The following NAV2 variants were observed in gnomAD, a reference collection of about 807,000 sequenced individuals.
NAV2 encodes neuron navigator 2, also known as helicase, APC down-regulated 1.
A neutral mutation model predicts 223.2 loss-of-function variants in NAV2; 54 were observed. The observed-to-expected ratio is 0.24, with a 90% CI of 0.19 to 0.30. NAV2 has a LOEUF of 0.30. Ranked by LOEUF, NAV2 falls within the 10% of genes least tolerant of loss-of-function variation. NAV2 has a pLI of 1.00. For synonymous variants in NAV2, 1,279 were observed against 1,239.3 expected, an observed-to-expected ratio of 1.03 and a Z score of -0.67; for missense variants, 2,806 against 3,147.5, an observed-to-expected ratio of 0.89 and a Z score of 2.60.
chr11:19,767,445 T>C (rs370369510), intron 1 of NAV2, among the ~76,000 whole-genome samples: 11 of 152,236 alleles, frequency 7.2e-5, no homozygotes, highest in African/African-American at 2.7e-4. Context: ...ACAATTATAA[T>C]GGTAAACCTT....
At chr11:19,473,427 C>T (rs1035992692) in intron 1 of NAV2, among the ~76,000 whole-genome samples, 1 of 152,090 alleles carries the variant, frequency 6.6e-6, no homozygotes. Flanking sequence ...CCTCATAATT[C>T]GTAAGTCAGC....
intron 5 of NAV2, among the ~76,000 whole-genome samples, chr11:19,890,258 A>G (rs964089513): frequency 6.6e-6 from 1 of 152,174 alleles, no homozygotes; most frequent in Non-Finnish European, 1.5e-5. Context: ...CCTGTATTCT[A>G]TCCATTACAC....
chr11:20,114,917 C>T, intron 37 of NAV2, 122 bp downstream of exon 37: 2 of 982,022 alleles, frequency 2.0e-6, no homozygotes, highest in African/African-American at 3.3e-5. Context: ...GAAGGCTGGA[C>T]CCAAATGACT....
intron 11 of NAV2, chr11:20,022,854 T>G: frequency 2.3e-6 from 3 of 1,299,924 alleles, no homozygotes; most frequent in Middle Eastern, 2.9e-4. Context: ...CACAGCTGAC[T>G]TGATACCAGC....
chr11:19,932,249 AAAAAAAAAAAAG>A (rs2045424308), intron 6 of NAV2, among the ~76,000 whole-genome samples: 1 of 149,432 alleles, frequency 6.7e-6, no homozygotes, highest in African/African-American at 2.4e-5. Context: ...AAAAAAAAAA[AAAAAAAAAAAAG>A]AAAGAAAAGG....
intron 1 of NAV2, among the ~76,000 whole-genome samples, chr11:19,677,078 G>A (rs1442597205): frequency 6.6e-6 from 1 of 152,212 alleles, no homozygotes; most frequent in Non-Finnish European, 1.5e-5. Context: ...TTGGCCTTGT[G>A]AAGTGGAGAA....
chr11:19,553,558 G>GGAA (rs569357671), intron 1 of NAV2, among the ~76,000 whole-genome samples: 67 of 152,290 alleles, frequency 4.4e-4, no homozygotes, highest in Non-Finnish European at 8.1e-4. Flanking sequence ...GATGAGCCAG[G>GGAA]GAAGGCACTG....
At chr11:19,892,312 C>A in intron 5 of NAV2, 122 bp from the exon 6 acceptor site, 1 of 913,224 alleles carries the variant, frequency 1.1e-6, no homozygotes, top group Non-Finnish European at 1.6e-6. Flanking sequence ...CTGTGACTGG[C>A]AAACCTCCAC....
chr11:19,597,229 A>G (rs1247562715), intron 1 of NAV2, among the ~76,000 whole-genome samples: 1 of 152,188 alleles, frequency 6.6e-6, no homozygotes, highest in Non-Finnish European at 1.5e-5. Flanking sequence ...ATATAAATGC[A>G]TCTCCCAGAG....
intron 1 of NAV2, chr11:19,714,179 C>T: frequency 2.8e-6 from 2 of 710,596 alleles, no homozygotes; most frequent in South Asian, 1.5e-5. Flanking sequence ...AAGAGCTCTT[C>T]GAGACCTGGG....
chr11:19,525,943 A>T (rs1489143115), intron 1 of NAV2, among the ~76,000 whole-genome samples: 1 of 152,052 alleles, frequency 6.6e-6, no homozygotes, highest in African/African-American at 2.4e-5. Flanking sequence ...GTGGAGGCCC[A>T]GGTCTCGGGG....
rs770724773 is a variant in NAV2 at position 20,114,736 on chromosome 11, C to T, written c.7105C>T (p.Pro2369Ser). Residue 2369 changes from proline to serine, a missense_variant, in exon 37 of 38, where the codon CCT (proline) becomes TCT (serine). By Grantham distance (74) the Pro-to-Ser change is moderately conservative. Coordinates refer to ENST00000349880, the MANE Select transcript of NAV2 (RefSeq NM_145117.5). Reference sequence around the variant, plus strand: ...TGTCGGCTTCGACGGCTACTCCATGCCTCGGGAGGGATCGACAAGCAAGCA... The same window carrying T: ...TGTCGGCTTCGACGGCTACTCCATGTCTCGGGAGGGATCGACAAGCAAGCA... ...EDVGFDGYSM[P>S]REGSTSKQMP... is the part of the protein sequence containing the mutation. The T allele has an allele frequency of 1.9e-6, 3 of 1,614,092 alleles. No homozygotes were observed. Among genetic ancestry groups the T allele is most frequent in the Non-Finnish European group, 8.5e-7 (1 of 1,180,020 alleles).
At chr11:19,560,726 G>A (rs896374108) in intron 1 of NAV2, among the ~76,000 whole-genome samples, 1 of 152,220 alleles carries the variant, frequency 6.6e-6, no homozygotes, top group Non-Finnish European at 1.5e-5. Flanking sequence ...CTTTCTGAGT[G>A]TCTGGTCTAG....
chr11:19,687,848 G>T (rs1190968042), intron 1 of NAV2, among the ~76,000 whole-genome samples: 2 of 152,130 alleles, frequency 1.3e-5, no homozygotes, highest in Non-Finnish European at 2.9e-5. Flanking sequence ...GCAAGTGTGG[G>T]ATCACAGAAA....
intron 1 of NAV2, among the ~76,000 whole-genome samples, chr11:19,564,706 CG>C (rs1298570877): frequency 6.6e-6 from 1 of 152,196 alleles, no homozygotes; most frequent in Non-Finnish European, 1.5e-5. Context: ...GGTCCGCCGC[CG>C]CTTGAGTGCC....
chr11:19,778,520 A>G (rs1189902772), intron 1 of NAV2, among the ~76,000 whole-genome samples: 3 of 152,158 alleles, frequency 2.0e-5, no homozygotes, highest in East Asian at 3.8e-4. Context: ...AACAAAAACA[A>G]AACACAAAAA....
chr11:20,036,197 C>G, intron 12 of NAV2, 100 bp downstream of exon 12: 1 of 1,396,468 alleles, frequency 7.2e-7, no homozygotes, highest in Non-Finnish European at 1.0e-6. Flanking sequence ...ACCAGAATCT[C>G]CAGGTTGATG....
intron 1 of NAV2, among the ~76,000 whole-genome samples, chr11:19,767,141 C>A (rs1251765415): frequency 6.6e-6 from 1 of 152,196 alleles, no homozygotes; most frequent in Non-Finnish European, 1.5e-5. Context: ...ACAAGAATCT[C>A]TTCTTTGGAC....
chr11:19,892,618 T>G, intron 6 of NAV2, 24 bp downstream of exon 6: 1 of 1,608,034 alleles, frequency 6.2e-7, no homozygotes, highest in Non-Finnish European at 8.5e-7. Flanking sequence ...TTGAGGAGCC[T>G]TTTTGGTATT....
Sources: gnomAD v4.1 joint callset for allele counts (sites outside exome capture counted in the v4.1 genomes callset) on GRCh38, gnomAD v4.1.1 for gene constraint, MANE v1.5 for transcripts, NCBI Gene and HGNC (gene_info 2026-07-23, HGNC 2026-07-21) for gene names.